MORC1: variants seen among roughly 807,000 people sequenced by gnomAD.
MORC1 encodes MORC family CW-type zinc finger protein 1.
Under a neutral mutation model 134.9 loss-of-function variants are expected in MORC1, and 59 were observed. The observed-to-expected ratio is 0.44, with a 90% CI of 0.35 to 0.54. MORC1 has a LOEUF of 0.54. Ranked by LOEUF, MORC1 falls within the 20% of genes least tolerant of loss-of-function variation. MORC1 has a pLI of 0.00. For synonymous variants in MORC1, 395 were observed against 391.7 expected (o/e 1.01, Z -0.10); for missense variants, 947 against 1,134.5 (o/e 0.83, Z 2.37).
chr3:109,117,928 G>A (rs1425416094), intron 1 of MORC1, 67 bp downstream of exon 1: 2 of 1,324,982 alleles, frequency 1.5e-6, no homozygotes, highest in African/African-American at 1.5e-5. Context: ...CTCAGGGGAC[G>A]GGCAAAACCT....
Position 109,092,718 on chromosome 3 carries a change from T to C in MORC1, c.689+718A>G, listed in dbSNP as rs188635176. Among the ~76,000 whole-genome samples the C allele has an allele frequency of 6.6e-5, 10 of 152,310 alleles. No homozygotes were observed. In the East Asian group the frequency reaches 1.9e-3, roughly 29 times the overall value. On this transcript the variant is annotated intron_variant, in intron 8 of 27. Coordinates refer to ENST00000232603, the MANE Select transcript of MORC1 (RefSeq NM_014429.4). ...AACATGGCTACTAGAAAATTTAAGA[T>C]TAAATATGTCCCTCGTTGTGGCTCT... is the stretch of plus-strand genomic sequence containing the variant.
intron 4 of MORC1, 80 bp downstream of exon 4, chr3:109,103,769 G>A: frequency 7.6e-7 from 1 of 1,319,940 alleles, no homozygotes; most frequent in Non-Finnish European, 1.1e-6. Flanking sequence ...TTTTTGCATA[G>A]ATAGCTCAAT....
intron 17 of MORC1, among the ~76,000 whole-genome samples, chr3:109,022,429 T>C (rs1468277424): frequency 6.6e-6 from 1 of 152,238 alleles, no homozygotes; most frequent in Non-Finnish European, 1.5e-5. Context: ...ACAATCAATG[T>C]GGGAATTGCC....
At position 109,027,787 on chromosome 3, in the gene MORC1, T is replaced by C. The variant is rs777370422; in HGVS notation, c.1668A>G (p.Ile556Met). 3 of 1,613,934 alleles carry C rather than the reference T, an allele frequency of 1.9e-6. No individual in the cohort carries two copies. Among genetic ancestry groups the C allele is most frequent in the Non-Finnish European group, 2.5e-6 (3 of 1,179,862 alleles). Residue 556 changes from isoleucine (I) to methionine (M), a missense_variant, in exon 17 of 28, where the codon ATA becomes ATG. Ile to Met is a conservative substitution (Grantham distance 10). Around this residue, in one of 3 missense-constraint regions of MORC1, gnomAD observed 722 missense variants for 817.0 expected, o/e 0.88. Transcript: ENST00000232603. ...GTTCTGCCAGTCTATTTTGATACTT[T>C]ATGACCGACTCTCTAAGTTGCTTCT... ...EKEKQLRESV[I>M]KYQNRLAEQQ... is the part of the protein sequence containing the mutation.
At chr3:108,988,501 C>T (rs1005797945) in intron 21 of MORC1, among the ~76,000 whole-genome samples, 8 of 152,080 alleles carry the variant, frequency 5.3e-5, no homozygotes, top group Non-Finnish European at 1.0e-4. Context: ...TCTTCTGATG[C>T]ACTGATATAT....
intron 17 of MORC1, 37 bp from the exon 18 acceptor site, chr3:109,007,128 T>A: frequency 6.5e-7 from 1 of 1,542,304 alleles, no homozygotes; most frequent in Non-Finnish European, 8.9e-7. Flanking sequence ...CAAATGTAAG[T>A]AAAAATAAGC....
At chr3:109,098,642 G>A (rs879187944) in intron 6 of MORC1, among the ~76,000 whole-genome samples, 2 of 152,146 alleles carry the variant, frequency 1.3e-5, no homozygotes, top group African/African-American at 4.8e-5. Context: ...CCATATCATT[G>A]CTTTTGATAA....
In MORC1 at chr3:109,035,863, T is replaced by C. The variant is rs576936872; in HGVS notation, c.1331-395A>G. On this transcript the variant is annotated intron_variant, in intron 14 of 27. Transcript: ENST00000232603. ...CTCTTAAAATTATTGATAGAAATAT[T>C]TATCTTTCTTATCTCACAGACAGAG... Among the ~76,000 whole-genome samples the C allele has an allele frequency of 5.9e-5, 9 of 152,314 alleles. No homozygotes were observed. The South Asian group carries it at 1.7e-3, about 28-fold the overall frequency.
At chr3:109,041,208 GGCTGAA>G (rs1455957458) in intron 14 of MORC1, among the ~76,000 whole-genome samples, 6 of 151,942 alleles carry the variant, frequency 3.9e-5, no homozygotes, top group Middle Eastern at 3.4e-3. Flanking sequence ...CTACTCAGGA[GGCTGAA>G]GCAGGAAAAT....
chr3:109,111,825 T>C (rs997530204), intron 2 of MORC1, among the ~76,000 whole-genome samples: 1 of 152,200 alleles, frequency 6.6e-6, no homozygotes, highest in Non-Finnish European at 1.5e-5. Context: ...TACACTGTAC[T>C]TGCTCCACAG....
chr3:108,984,786 C>G lies in MORC1; in HGVS notation c.2258-4G>C. The G allele has an allele frequency of 6.2e-7, 1 of 1,601,964 alleles. No individual in the cohort carries two copies. On this transcript the variant is annotated splice_region_variant and splice_polypyrimidine_tract_variant and intron_variant, in intron 22 of 27. Coordinates refer to ENST00000232603, the MANE Select transcript of MORC1 (RefSeq NM_014429.4). ...TCATTGCACAGCTCCTGTTTTTCTT[C>G]AAAAGAACATAGACAAACAATCGCA...
chr3:109,011,524 G>GT (rs577815272), intron 17 of MORC1, among the ~76,000 whole-genome samples: 2,007 of 138,244 alleles, frequency 0.015, 55 homozygotes, highest in East Asian at 0.11. Flanking sequence ...CTTTGTTTTT[G>GT]TTTTTTTTTT....
intron 26 of MORC1, among the ~76,000 whole-genome samples, chr3:108,969,131 A>G (rs1947301208): frequency 6.6e-6 from 1 of 152,158 alleles, no homozygotes; most frequent in African/African-American, 2.4e-5. Context: ...CCAGAGGAAG[A>G]GAAAGGTTGT....
chr3:108,987,124 G>A (rs1384806721), intron 21 of MORC1, among the ~76,000 whole-genome samples, 175 bp from the exon 22 acceptor site: 2 of 151,986 alleles, frequency 1.3e-5, no homozygotes, highest in East Asian at 1.9e-4. Flanking sequence ...AACGATAATC[G>A]CATAAATCTC....
intron 3 of MORC1, among the ~76,000 whole-genome samples, chr3:109,105,910 A>G (rs1441269955): frequency 6.6e-6 from 1 of 151,988 alleles, no homozygotes; most frequent in Non-Finnish European, 1.5e-5. Flanking sequence ...ACCTAGTCCT[A>G]TGGTCTGCTT....
chr3:108,962,410 G>A (rs1947104482), intron 27 of MORC1, among the ~76,000 whole-genome samples: 1 of 152,136 alleles, frequency 6.6e-6, no homozygotes, highest in African/African-American at 2.4e-5. Context: ...ATGAAACCCA[G>A]GCAGCCTGGC....
chr3:109,018,746 T>TTTA (rs1336073537), intron 17 of MORC1, among the ~76,000 whole-genome samples: 3 of 152,216 alleles, frequency 2.0e-5, no homozygotes, highest in Non-Finnish European at 2.9e-5. Flanking sequence ...AAATATCATG[T>TTTA]TTATATTCAA....
At chr3:108,995,194 A>C (rs1222090606) in intron 21 of MORC1, among the ~76,000 whole-genome samples, 1 of 152,198 alleles carries the variant, frequency 6.6e-6, no homozygotes, top group East Asian at 1.9e-4. Context: ...ACAAACCCTT[A>C]ATTACAGCAG....
chr3:109,100,629 C>T, intron 4 of MORC1, 122 bp from the exon 5 acceptor site: 1 of 732,814 alleles, frequency 1.4e-6, no homozygotes, highest in Admixed American at 2.3e-5. Flanking sequence ...TTGGGTCAGC[C>T]CAGAGACAAG....
Sources: gnomAD v4.1 joint callset for allele counts (sites outside exome capture counted in the v4.1 genomes callset) on GRCh38, gnomAD v4.1.1 for gene constraint, gnomAD v4.1.1 regional missense constraint, MANE v1.5 for transcripts, NCBI Gene and HGNC (gene_info 2026-07-23, HGNC 2026-07-21) for gene names.